Variants in MCF2L2 observed in about 807,000 individuals in gnomAD.
MCF2L2 encodes MCF.2 cell line derived transforming sequence-like 2.
In MCF2L2, 102 loss-of-function variants were observed where a neutral mutation model predicts 150.2. The observed-to-expected ratio is 0.68, with a 90% CI of 0.58 to 0.80. MCF2L2 has a LOEUF of 0.80. Among genes scored for constraint, MCF2L2 ranks in the 30% least tolerant of loss-of-function variants. MCF2L2 has a pLI of 0.00. For missense variants in MCF2L2, 1,256 were observed against 1,372.8 expected, an observed-to-expected ratio of 0.91 and a Z score of 1.34; for synonymous variants, 465 against 491.3, an observed-to-expected ratio of 0.95 and a Z score of 0.71.
At chr3:183,377,880 T>A (rs1224337514) in intron 3 of MCF2L2, 1 of 152,164 alleles carries the variant, frequency 6.6e-6, no homozygotes, top group African/African-American at 2.4e-5. Context: ...CACATCCTTA[T>A]ATCTGCATTA....
At chr3:183,342,436 G>A (rs1272660267) in intron 3 of MCF2L2, among the ~76,000 whole-genome samples, 1 of 152,012 alleles carries the variant, frequency 6.6e-6, no homozygotes, top group Non-Finnish European at 1.5e-5. Context: ...GTAATGAGAT[G>A]GTTAAAAGCA....
At chr3:183,404,812 G>A (rs1308853925) in intron 1 of MCF2L2, among the ~76,000 whole-genome samples, 2 of 151,982 alleles carry the variant, frequency 1.3e-5, no homozygotes, top group South Asian at 4.1e-4. Flanking sequence ...GCAGTGAGCC[G>A]AGATCTTGCC....
At chr3:183,256,571 A>G (rs1725063292) in intron 15 of MCF2L2, among the ~76,000 whole-genome samples, 1 of 152,228 alleles carries the variant, frequency 6.6e-6, no homozygotes, top group Non-Finnish European at 1.5e-5. Flanking sequence ...TTCTCTACAA[A>G]AGAGAATGTT....
intron 27 of MCF2L2, among the ~76,000 whole-genome samples, chr3:183,192,375 G>A (rs1300483449): frequency 6.6e-6 from 1 of 152,134 alleles, no homozygotes; most frequent in East Asian, 1.9e-4. Flanking sequence ...CTGACCTCAG[G>A]TGATCCACCC....
chr3:183,254,602 C>A (rs953956903), intron 15 of MCF2L2: 3 of 152,162 alleles, frequency 2.0e-5, no homozygotes, highest in African/African-American at 4.8e-5. Flanking sequence ...GCGGGACAGG[C>A]CCGTGCGCGG....
Position 183,270,858 on chromosome 3 carries a change from T to C in MCF2L2, c.1862+6014A>G, listed in dbSNP as rs769248798. 10 of 1,612,762 alleles carry C rather than the reference T, an allele frequency of 6.2e-6. No individual in the cohort carries two copies. The highest frequency in any genetic ancestry group is 5.9e-6 in the Non-Finnish European group (7 of 1,179,588). Reference sequence around the variant, plus strand: ...CAAAGGTTTTTTTGGTCAAATATACTGCAGATTAATGAAGATAATTCTCCT... The same window carrying C: ...CAAAGGTTTTTTTGGTCAAATATACCGCAGATTAATGAAGATAATTCTCCT... On this transcript the variant is annotated intron_variant, in intron 15 of 29. Transcript: ENST00000328913. This position sits in a 1 kb window ranked among gnomAD's most constrained non-coding sequence, Gnocchi z 4.5.
At chr3:183,398,935 T>C (rs1443690850) in intron 1 of MCF2L2, among the ~76,000 whole-genome samples, 3 of 152,240 alleles carry the variant, frequency 2.0e-5, no homozygotes, top group African/African-American at 4.8e-5. Flanking sequence ...TATATAATGC[T>C]GTGAGCTTAG....
At position 183,428,068 on chromosome 3, in the gene MCF2L2, G is replaced by C; in HGVS notation, c.-91C>G. On this transcript the variant is annotated 5_prime_UTR_variant, in exon 1 of 30. Coordinates refer to ENST00000328913, the MANE Select transcript of MCF2L2 (RefSeq NM_015078.4). The surrounding 1 kb of genome is among the most constrained non-coding windows in gnomAD (Gnocchi z 5.1). ...ATTTTTTAAAGGCATCTCCGCCCAA[G>C]GATGCTCTGCCCTCGCCCTCTTCCT... 2.1e-6 allele frequency: 2 copies of C among 966,992 alleles called. No homozygotes were observed. Among genetic ancestry groups the C allele is most frequent in the Non-Finnish European group, 3.3e-6 (2 of 597,386 alleles). 59.9% of individuals were successfully genotyped at this position (966,992 alleles called of 1,614,324 possible).
At chr3:183,280,518 G>A (rs1341190222) in intron 14 of MCF2L2, among the ~76,000 whole-genome samples, 4 of 152,030 alleles carry the variant, frequency 2.6e-5, no homozygotes, top group South Asian at 2.1e-4. Flanking sequence ...TTTTAGGAAT[G>A]TGTAGAAAGT....
chr3:183,271,272 G>T, intron 15 of MCF2L2: 1 of 185,178 alleles, frequency 5.4e-6, no homozygotes, highest in Non-Finnish European at 1.2e-5. Flanking sequence ...AATTGCTTTT[G>T]GAAAATACCA....
intron 15 of MCF2L2, among the ~76,000 whole-genome samples, chr3:183,249,476 C>T (rs1257284679): frequency 6.6e-6 from 1 of 152,160 alleles, no homozygotes. Flanking sequence ...TTTCCTTATG[C>T]GTTGGTGTGA....
At chr3:183,200,930 T>A (rs1722256819) in intron 25 of MCF2L2, among the ~76,000 whole-genome samples, 1 of 152,156 alleles carries the variant, frequency 6.6e-6, no homozygotes. Flanking sequence ...GATCAGATGG[T>A]TGTAGATGTA....
intron 15 of MCF2L2, among the ~76,000 whole-genome samples, chr3:183,274,865 C>T (rs1727066799): frequency 1.3e-5 from 2 of 152,182 alleles, no homozygotes; most frequent in South Asian, 4.1e-4. Context: ...TTACTCCAGA[C>T]CTCAAAGACT....
chr3:183,193,411 C>T (rs1031012595), intron 26 of MCF2L2, among the ~76,000 whole-genome samples: 8 of 147,238 alleles, frequency 5.4e-5, no homozygotes, highest in South Asian at 2.1e-4. Context: ...AGTGCAGTGG[C>T]GCAATCTTGG....
In MCF2L2 at chr3:183,364,741, T is replaced by G. The variant is rs373575955; in HGVS notation, c.275+14556A>C. The stretch of plus-strand genomic sequence containing the variant: ...ACTGAAGCAAAAAATTAAAAATCCC[T>G]AAGAAACGACTTTGCACATCCCTAT... On this transcript the variant is annotated intron_variant, in intron 3 of 29. Transcript: ENST00000328913. Among the ~76,000 whole-genome samples, 7 of 152,240 alleles carry G rather than the reference T, an allele frequency of 4.6e-5. No individual in the cohort carries two copies. In the South Asian group the frequency reaches 8.3e-4, roughly 18 times the overall value.
chr3:183,245,264 G>A (rs546686233), intron 15 of MCF2L2, among the ~76,000 whole-genome samples: 1 of 152,192 alleles, frequency 6.6e-6, no homozygotes, highest in African/African-American at 2.4e-5. Flanking sequence ...AAACAGAAAG[G>A]AGAAGGGGAA....
intron 25 of MCF2L2, among the ~76,000 whole-genome samples, chr3:183,198,138 A>G (rs1239761414): frequency 6.6e-6 from 1 of 152,246 alleles, no homozygotes; most frequent in Non-Finnish European, 1.5e-5. Flanking sequence ...TTGCATGTTC[A>G]TAGCAGCATT....
chr3:183,269,876 G>A lies in MCF2L2; in HGVS notation c.1862+6996C>T, dbSNP rs375765240. 4.3e-6 allele frequency: 7 copies of A among 1,613,608 alleles called. No individual in the cohort carries two copies. In the African/African-American group the frequency reaches 8.0e-5, roughly 18 times the overall value. On this transcript the variant is annotated intron_variant, in intron 15 of 29. Transcript: ENST00000328913. ...AGTTATTTGCTACTTGTTTTTTAGC[G>A]AGCCTCATGTTTTTTTGGGAACCAA...
chr3:183,288,512 C>T (rs1419009443), intron 14 of MCF2L2, among the ~76,000 whole-genome samples: 2 of 136,374 alleles, frequency 1.5e-5, no homozygotes, highest in Admixed American at 7.9e-5. Flanking sequence ...GACATAGTTT[C>T]GCTCTGTTGC....
Sources: allele counts gnomAD v4.1 joint callset (sites outside exome capture counted in the v4.1 genomes callset), GRCh38; gene constraint gnomAD v4.1.1; non-coding constraint Gnocchi (gnomAD v3.1); transcripts MANE v1.5; gene names NCBI Gene and HGNC (gene_info 2026-07-23, HGNC 2026-07-21).